Variants in NOL4L observed in about 807,000 individuals in gnomAD.
The protein encoded by NOL4L is nucleolar protein 4 like.
In NOL4L, 7 loss-of-function variants were observed where a neutral mutation model predicts 64.5. The observed-to-expected ratio is 0.11, with a 90% CI of 0.06 to 0.20. The LOEUF is 0.20. Ranked by LOEUF, NOL4L falls within the 10% of genes least tolerant of loss-of-function variation. The pLI, the probability that NOL4L is intolerant of heterozygous loss-of-function variation, is 1.00. For synonymous variants in NOL4L, 413 were observed against 401.0 expected (o/e 1.03, Z -0.36); for missense variants, 680 against 967.1 (o/e 0.70, Z 3.94).
intron 3 of NOL4L, among the ~76,000 whole-genome samples, chr20:32,512,900 C>T (rs1433936018): frequency 2.6e-5 from 4 of 152,098 alleles, no homozygotes; most frequent in South Asian, 2.1e-4. Context: ...AATATTGCTC[C>T]GTATTTCTGA....
chr20:32,555,972 C>T (rs1288709578), intron 1 of NOL4L, among the ~76,000 whole-genome samples: 2 of 152,130 alleles, frequency 1.3e-5, no homozygotes, highest in Non-Finnish European at 2.9e-5. Context: ...CGGCGCCTCT[C>T]ATGACCACAG....
chr20:32,494,940 T>C (rs1345055123), intron 4 of NOL4L, among the ~76,000 whole-genome samples: 1 of 148,002 alleles, frequency 6.8e-6, no homozygotes, highest in Non-Finnish European at 1.5e-5. Context: ...CCTGGCTTAT[T>C]CACATGGCTC....
chr20:32,516,761 A>T (rs1277902953), intron 3 of NOL4L, among the ~76,000 whole-genome samples: 1 of 152,158 alleles, frequency 6.6e-6, no homozygotes, highest in Non-Finnish European at 1.5e-5. Context: ...AGGGATGTGG[A>T]GGGGCCAGGC....
chr20:32,458,853 T>A (rs1315477105), intron 5 of NOL4L, among the ~76,000 whole-genome samples: 1 of 152,128 alleles, frequency 6.6e-6, no homozygotes, highest in Non-Finnish European at 1.5e-5. Flanking sequence ...ACCACCCACC[T>A]CCCAATCAGG....
chr20:32,477,528 T>C (rs1189277770), intron 4 of NOL4L, among the ~76,000 whole-genome samples: 1 of 152,248 alleles, frequency 6.6e-6, no homozygotes. Flanking sequence ...GGGACCAGAC[T>C]GTATGTCCTC....
rs541989854 is a variant in NOL4L, at chr20:32,504,792, A to G, written c.699+6555T>C. Among the ~76,000 whole-genome samples the G allele has an allele frequency of 8.6e-5, 13 of 152,026 alleles. No homozygotes were observed. In the East Asian group the frequency reaches 2.5e-3, roughly 30 times the overall value. ...CTAATTTTTGTATTTTTAGAAATGG[A>G]GTTTCCTCATGTTGGCCAGGATGGT... On this transcript the variant is annotated intron_variant, in intron 4 of 10. Transcript: ENST00000621426.
At chr20:32,575,013 C>T (rs969564879) in intron 1 of NOL4L, among the ~76,000 whole-genome samples, 14 of 152,164 alleles carry the variant, frequency 9.2e-5, no homozygotes, top group Non-Finnish European at 7.3e-5. Flanking sequence ...GCTGGTCCGT[C>T]GAGGAAACCC....
rs1323062917 is a variant in NOL4L at position 32,460,095 on chromosome 20, T to A, written c.842-3700A>T. On this transcript the variant is annotated intron_variant, in intron 5 of 10. Coordinates refer to ENST00000621426, the MANE Select transcript of NOL4L (RefSeq NM_001256798.2). The surrounding 1 kb of genome is among the most constrained non-coding windows in gnomAD (Gnocchi z 5.7). ...GCTCCACGGGCTGGGAATGGGCAGTTAGTACTTAAAGGGTGCAGAGTTTCT... is the reference window on the plus strand; with the variant it reads ...GCTCCACGGGCTGGGAATGGGCAGTAAGTACTTAAAGGGTGCAGAGTTTCT... 1.3e-5 allele frequency among the ~76,000 whole-genome samples: 2 copies of A among 152,148 alleles called. No homozygotes were observed. Among genetic ancestry groups the A allele is most frequent in the Non-Finnish European group, 2.9e-5 (2 of 68,032 alleles).
chr20:32,488,863 C>A lies in NOL4L; in HGVS notation c.700-14121G>T, dbSNP rs1231741932. ...TCTTTCTTTCTTTCTTTCTTTCTTT[C>A]TTTCTTTCTTTCTTTCTTTCTTTCT... On this transcript the variant is annotated intron_variant, in intron 4 of 10. Transcript: ENST00000621426. Among the ~76,000 whole-genome samples, 3 of 81,700 alleles carry A rather than the reference C, an allele frequency of 3.7e-5. 1 individual carries two copies. The highest frequency in any genetic ancestry group is 1.3e-4 in the Admixed American group (1 of 7,462). 53.6% of individuals were successfully genotyped at this position (81,700 alleles called of 152,430 possible).
At chr20:32,511,092 T>A in intron 4 of NOL4L, 26 of 284,020 alleles carry the variant, frequency 9.2e-5, no homozygotes, top group East Asian at 1.9e-4. Context: ...CTCCTCCCCC[T>A]CCTCCCACGA....
intron 3 of NOL4L, among the ~76,000 whole-genome samples, chr20:32,515,335 T>C (rs2017603631): frequency 6.6e-6 from 1 of 151,972 alleles, no homozygotes; most frequent in South Asian, 2.1e-4. Flanking sequence ...AAATGCTTGA[T>C]TTTGCAGTTC....
chr20:32,467,155 C>A (rs2014625255), intron 5 of NOL4L, among the ~76,000 whole-genome samples: 1 of 152,194 alleles, frequency 6.6e-6, no homozygotes, highest in South Asian at 2.1e-4. Context: ...GGGGACACCC[C>A]ATGGCACCCT....
At chr20:32,567,942 T>A (rs1021216079) in intron 1 of NOL4L, among the ~76,000 whole-genome samples, 2 of 150,752 alleles carry the variant, frequency 1.3e-5, no homozygotes, top group African/African-American at 4.9e-5. Context: ...ATCATCACCA[T>A]CACCATCATC....
chr20:32,494,466 C>A (rs1050898056), intron 4 of NOL4L, among the ~76,000 whole-genome samples: 2 of 152,028 alleles, frequency 1.3e-5, no homozygotes, highest in Admixed American at 1.3e-4. Context: ...TCCCCACTTT[C>A]CCCGTTTCCT....
At chr20:32,560,761 T>C (rs1978957744) in intron 1 of NOL4L, among the ~76,000 whole-genome samples, 1 of 152,204 alleles carries the variant, frequency 6.6e-6, no homozygotes, top group South Asian at 2.1e-4. Context: ...CAAACCACAG[T>C]TCTATCCTGG....
intron 5 of NOL4L, among the ~76,000 whole-genome samples, chr20:32,461,132 A>G (rs1440125644): frequency 6.6e-6 from 1 of 152,196 alleles, no homozygotes; most frequent in Non-Finnish European, 1.5e-5. Context: ...CGGCCCCACA[A>G]GCAGTGGATT....
intron 4 of NOL4L, among the ~76,000 whole-genome samples, chr20:32,509,093 C>T (rs1249827458): frequency 1.3e-5 from 2 of 152,176 alleles, no homozygotes; most frequent in Non-Finnish European, 2.9e-5. Context: ...CCTCCAAGCC[C>T]ACCCTAAGTA....
chr20:32,555,971 T>C (rs1008419449), intron 1 of NOL4L, among the ~76,000 whole-genome samples: 1 of 152,158 alleles, frequency 6.6e-6, no homozygotes, highest in Non-Finnish European at 1.5e-5. Flanking sequence ...ACGGCGCCTC[T>C]CATGACCACA....
chr20:32,482,395 G>C (rs1313118524), intron 4 of NOL4L, among the ~76,000 whole-genome samples: 1 of 152,168 alleles, frequency 6.6e-6, no homozygotes, highest in Non-Finnish European at 1.5e-5. Flanking sequence ...AGCGCAGCCC[G>C]GTAGGGGCGG....
Sources: allele counts gnomAD v4.1 joint callset (sites outside exome capture counted in the v4.1 genomes callset), GRCh38; gene constraint gnomAD v4.1.1; non-coding constraint Gnocchi (gnomAD v3.1); transcripts MANE v1.5; gene names NCBI Gene and HGNC (gene_info 2026-07-23, HGNC 2026-07-21).